Variants in ABCA5 observed in about 807,000 individuals in gnomAD.
ABCA5 encodes the protein ATP binding cassette subfamily A member 5.
ABCA5 carries 163 observed loss-of-function variants against 206.0 expected under a neutral mutation model. The ratio of observed to expected loss-of-function variants is 0.79; its 90% CI spans 0.70 to 0.90. The LOEUF is 0.90. Ranked by LOEUF, ABCA5 falls within the 40% of genes least tolerant of loss-of-function variation. The probability of loss-of-function intolerance (pLI) is 0.00; values close to 1 mark genes in which losing one functional copy is unlikely to be tolerated. For synonymous variants in ABCA5, 609 were observed against 613.8 expected (o/e 0.99, Z 0.11); for missense variants, 1,859 against 1,912.9 (o/e 0.97, Z 0.53).
chr17:69,247,542 A>C lies in ABCA5; in HGVS notation c.4924T>G (p.Phe1642Val). 1 of 1,592,482 alleles carries C rather than the reference A, an allele frequency of 6.3e-7. No homozygotes were observed. Among genetic ancestry groups the C allele is most frequent in the East Asian group, 2.3e-5 (1 of 44,044 alleles). The change falls in exon 39 of 39, where the codon TTT becomes GTT. Residue 1642 changes from phenylalanine to valine, a missense_variant. Transcript: ENST00000392676. ...GCAGACCGAACAATACAAATTCAAA[A>C]TACTACTCTATCTTCTTGTGTTCGT... is the stretch of plus-strand genomic sequence containing the variant. ...WERTQEDRVV[F>V] is the part of the protein sequence containing the mutation.
At chr17:69,259,508 A>C (rs2144908674) in intron 28 of ABCA5, among the ~76,000 whole-genome samples, 198 bp downstream of exon 28, 1 of 152,078 alleles carries the variant, frequency 6.6e-6, no homozygotes, top group South Asian at 2.1e-4. Flanking sequence ...AGAACAGGCA[A>C]ATCTGACAGA....
chr17:69,272,818 T>G (rs1483165476), intron 20 of ABCA5, among the ~76,000 whole-genome samples: 1 of 152,186 alleles, frequency 6.6e-6, no homozygotes, highest in Admixed American at 6.5e-5. Flanking sequence ...ACGCACCAGA[T>G]TTTAACAGTG....
At chr17:69,315,211 G>A (rs1397188366) in intron 1 of ABCA5, 1 of 152,224 alleles carries the variant, frequency 6.6e-6, no homozygotes, top group African/African-American at 2.4e-5. Flanking sequence ...TCCTATTAGT[G>A]TGACAAAGGC....
intron 26 of ABCA5, among the ~76,000 whole-genome samples, 178 bp from the exon 27 acceptor site, chr17:69,260,590 A>C (rs1184658213): frequency 6.6e-6 from 1 of 151,954 alleles, no homozygotes; most frequent in Non-Finnish European, 1.5e-5. Context: ...TCTGAGGATC[A>C]GTATAAATTA....
At chr17:69,322,863 T>C (rs2075875449) in intron 1 of ABCA5, among the ~76,000 whole-genome samples, 1 of 152,204 alleles carries the variant, frequency 6.6e-6, no homozygotes, top group Admixed American at 6.5e-5. Context: ...ATTAAGATTA[T>C]ACCCTATAAA....
At chr17:69,323,628 T>C (rs1395504668) in intron 1 of ABCA5, among the ~76,000 whole-genome samples, 3 of 152,234 alleles carry the variant, frequency 2.0e-5, no homozygotes, top group Non-Finnish European at 2.9e-5. Flanking sequence ...TATTTATTTA[T>C]ATATTTTCAT....
intron 2 of ABCA5, among the ~76,000 whole-genome samples, chr17:69,314,051 C>T (rs987988895): frequency 6.6e-6 from 1 of 152,048 alleles, no homozygotes; most frequent in Non-Finnish European, 1.5e-5. Context: ...ACTTAGGAAA[C>T]ACATGCCTAA....
At position 69,273,963 on chromosome 17, in the gene ABCA5, A is replaced by C; in HGVS notation, c.2760T>G (p.Ser920=). The change falls in exon 20 of 39, where the codon TCT becomes TCG. Residue 920 remains serine, a synonymous_variant. Coordinates refer to ENST00000392676, the MANE Select transcript of ABCA5 (RefSeq NM_172232.4). ...CAGACCTTCACACACTCTCACCAGC[A>C]GAATTTTGAAGAAGCAGACTTGTTT... ...KYKTSLLLQN[S]ADSDISDLIS... is the part of the protein sequence containing the mutation. 1 of 1,603,278 alleles carries C rather than the reference A, an allele frequency of 6.2e-7. No individual in the cohort carries two copies. The highest frequency in any genetic ancestry group is 2.2e-5 in the East Asian group (1 of 44,802).
At chr17:69,323,254 C>T (rs2145058398) in intron 1 of ABCA5, among the ~76,000 whole-genome samples, 1 of 152,268 alleles carries the variant, frequency 6.6e-6, no homozygotes, top group Middle Eastern at 3.4e-3. Context: ...CCATTACATC[C>T]TTAATGTGAA....
At chr17:69,274,464 C>G (rs1437745898) in intron 19 of ABCA5, among the ~76,000 whole-genome samples, 1 of 151,912 alleles carries the variant, frequency 6.6e-6, no homozygotes, top group Non-Finnish European at 1.5e-5. Flanking sequence ...AAACAAGGAG[C>G]TTGCCTGCCT....
At chr17:69,256,066 T>G (rs866226567) in intron 29 of ABCA5, 91 bp downstream of exon 29, 1 of 1,428,124 alleles carries the variant, frequency 7.0e-7, no homozygotes, top group African/African-American at 1.5e-5. Flanking sequence ...TTGCTTCATA[T>G]GCAAAGAAAA....
At chr17:69,295,133 T>C (rs992355147) in intron 10 of ABCA5, among the ~76,000 whole-genome samples, 2 of 152,204 alleles carry the variant, frequency 1.3e-5, no homozygotes, top group Non-Finnish European at 2.9e-5. Context: ...TTTACATTAT[T>C]ATACTGTATT....
chr17:69,261,029 T>C (rs1598154501), intron 26 of ABCA5, 96 bp downstream of exon 26: 7 of 1,010,516 alleles, frequency 6.9e-6, no homozygotes, highest in South Asian at 1.7e-5. Flanking sequence ...ATTAGCCCAA[T>C]GCATTTTACT....
At chr17:69,274,839 C>CTTTTTTTTTTTTTTTTTTTT (rs3052556) in intron 19 of ABCA5, among the ~76,000 whole-genome samples, 2 of 85,754 alleles carry the variant, frequency 2.3e-5, no homozygotes, top group African/African-American at 8.8e-5. Context: ...TAACCATTTA[C>CTTTTTTTTTTTTTTTTTTTT]TTTTTTTTTT....
chr17:69,327,110 G>A lies in ABCA5; in HGVS notation c.-74C>T, dbSNP rs1325919979. The A allele has an allele frequency of 1.3e-5, 2 of 152,230 alleles. No individual in the cohort carries two copies. The highest frequency in any genetic ancestry group is 2.9e-5 in the Non-Finnish European group (2 of 68,122). The allele number at this position is 152,230 out of a possible 1,614,324, so 9.4% of individuals were successfully genotyped here. ...GACGCGCTCAGTCTGTTGACTCAGT[G>A]CGGGTGACCCAGCTGGGATCTGTGC... On this transcript the variant is annotated 5_prime_UTR_variant, in exon 1 of 39. Transcript: ENST00000392676.
intron 3 of ABCA5, among the ~76,000 whole-genome samples, chr17:69,310,699 C>T (rs2075759680): frequency 6.6e-6 from 1 of 152,082 alleles, no homozygotes; most frequent in African/African-American, 2.4e-5. Context: ...TTACAAGCAA[C>T]TAATTTTCAC....
At position 69,274,144 on chromosome 17, in the gene ABCA5, AAAC is replaced by A. The variant is rs759932903; in HGVS notation, c.2595-19_2595-17del. Reference sequence around the variant, plus strand: ...CAGAAGCAACCTGAAAAGAAAAAAAAAACAACACAGCTCAGGGTACAAAGGTAC... The same window carrying A: ...CAGAAGCAACCTGAAAAGAAAAAAAAAACACAGCTCAGGGTACAAAGGTAC... On this transcript the variant is annotated splice_polypyrimidine_tract_variant and intron_variant, in intron 19 of 38. Coordinates refer to ENST00000392676, the MANE Select transcript of ABCA5 (RefSeq NM_172232.4). The A allele has an allele frequency of 6.4e-7, 1 of 1,561,378 alleles. No individual in the cohort carries two copies. Among genetic ancestry groups the A allele is most frequent in the South Asian group, 1.2e-5 (1 of 81,674 alleles).
At chr17:69,315,529 A>ATTTTGGG (rs2075807880) in intron 1 of ABCA5, 1 of 152,504 alleles carries the variant, frequency 6.6e-6, no homozygotes. Context: ...TCACGCCTGT[A>ATTTTGGG]ATCCCAGCAC....
intron 28 of ABCA5, 110 bp downstream of exon 28, chr17:69,259,596 A>G (rs1353956830): frequency 2.9e-6 from 2 of 693,636 alleles, no homozygotes; most frequent in African/African-American, 3.7e-5. Context: ...TAATGGGTAC[A>G]AAGTTTCTTT....
Sources: allele counts gnomAD v4.1 joint callset (sites outside exome capture counted in the v4.1 genomes callset), GRCh38; gene constraint gnomAD v4.1.1; transcripts MANE v1.5; gene names NCBI Gene and HGNC (gene_info 2026-07-23, HGNC 2026-07-21).